WWOX: variants seen among roughly 807,000 people sequenced by gnomAD.
WWOX encodes the protein WW domain containing oxidoreductase.
Under a neutral mutation model 46.2 loss-of-function variants are expected in WWOX, and 69 were observed. The ratio of observed to expected loss-of-function variants is 1.49; its 90% CI spans 1.23 to 1.82. WWOX has a LOEUF of 1.82. Ranked by LOEUF, WWOX falls within the 40% of genes most tolerant of loss-of-function variation. The pLI, the probability that WWOX is intolerant of heterozygous loss-of-function variation, is 0.00. For synonymous variants in WWOX, 359 were observed against 202.6 expected, an observed-to-expected ratio of 1.77 and a Z score of -6.56; for missense variants, 919 against 542.6, an observed-to-expected ratio of 1.69 and a Z score of -6.89.
At chr16:78,101,717 A>C (rs955756981) in intron 1 of WWOX, among the ~76,000 whole-genome samples, 4 of 152,288 alleles carry the variant, frequency 2.6e-5, no homozygotes, top group African/African-American at 9.6e-5. Context: ...AAGGATGTGA[A>C]CCACTGCTGC....
intron 8 of WWOX, among the ~76,000 whole-genome samples, chr16:78,638,805 A>T (rs1170250261): frequency 1.3e-5 from 2 of 152,150 alleles, no homozygotes; most frequent in East Asian, 3.9e-4. Context: ...TAAAATCAGA[A>T]ATAATTAGGA....
At chr16:78,783,618 T>A (rs1430015228) in intron 8 of WWOX, among the ~76,000 whole-genome samples, 1 of 152,202 alleles carries the variant, frequency 6.6e-6, no homozygotes, top group Admixed American at 6.5e-5. Context: ...ATTTGTGTGG[T>A]ACAAAGGATG....
At chr16:78,361,702 C>G (rs923060414) in intron 5 of WWOX, among the ~76,000 whole-genome samples, 5 of 152,160 alleles carry the variant, frequency 3.3e-5, no homozygotes, top group Non-Finnish European at 5.9e-5. Flanking sequence ...ACCTCTGCCT[C>G]CTGTGTTCAG....
At chr16:78,610,231 T>G (rs1345644274) in intron 8 of WWOX, among the ~76,000 whole-genome samples, 1 of 152,178 alleles carries the variant, frequency 6.6e-6, no homozygotes, top group African/African-American at 2.4e-5. Context: ...AAGATCCCTT[T>G]TACCCTCCTT....
At chr16:79,009,326 T>C (rs2047256427) in intron 8 of WWOX, among the ~76,000 whole-genome samples, 1 of 152,216 alleles carries the variant, frequency 6.6e-6, no homozygotes, top group South Asian at 2.1e-4. Context: ...TGGCTGGGGC[T>C]GCTGCTCTGC....
intron 8 of WWOX, among the ~76,000 whole-genome samples, chr16:78,594,864 T>C (rs1597321997): frequency 6.6e-6 from 1 of 152,202 alleles, no homozygotes; most frequent in Admixed American, 6.5e-5. Flanking sequence ...AAATCCCTCA[T>C]TGTTTATTTA....
chr16:78,454,969 G>T (rs1239815337), intron 8 of WWOX, among the ~76,000 whole-genome samples: 1 of 152,218 alleles, frequency 6.6e-6, no homozygotes, highest in African/African-American at 2.4e-5. Flanking sequence ...TGTTCATTGA[G>T]TGCCCCACAT....
intron 8 of WWOX, among the ~76,000 whole-genome samples, chr16:78,494,518 A>G (rs1597163142): frequency 6.6e-6 from 1 of 152,326 alleles, no homozygotes; most frequent in East Asian, 1.9e-4. Context: ...TAAAAACGGC[A>G]ACAAATAAAA....
chr16:78,274,351 A>C (rs1319013952), intron 5 of WWOX, among the ~76,000 whole-genome samples: 1 of 152,108 alleles, frequency 6.6e-6, no homozygotes, highest in Non-Finnish European at 1.5e-5. Flanking sequence ...GGGATTTATC[A>C]CTTGAAAATG....
chr16:79,013,661 A>C (rs2047357282), intron 8 of WWOX, among the ~76,000 whole-genome samples: 1 of 152,158 alleles, frequency 6.6e-6, no homozygotes, highest in Non-Finnish European at 1.5e-5. Flanking sequence ...GTCGGTTTGC[A>C]TCACGTGGAT....
At chr16:78,149,694 A>G (rs1567599614) in intron 4 of WWOX, among the ~76,000 whole-genome samples, 2 of 152,196 alleles carry the variant, frequency 1.3e-5, no homozygotes, top group African/African-American at 4.8e-5. Flanking sequence ...AAGCATGTAC[A>G]CATATGAGAA....
chr16:78,916,964 C>T (rs1345892145), intron 8 of WWOX, among the ~76,000 whole-genome samples: 4 of 152,168 alleles, frequency 2.6e-5, no homozygotes, highest in African/African-American at 7.2e-5. Context: ...TGGTTCCCCT[C>T]TTTTCATCCC....
At chr16:79,175,527 T>G (rs999642196) in intron 8 of WWOX, among the ~76,000 whole-genome samples, 9 of 152,202 alleles carry the variant, frequency 5.9e-5, no homozygotes, top group African/African-American at 2.2e-4. Flanking sequence ...GGTAGATTTC[T>G]CACTTGTCCT....
intron 8 of WWOX, among the ~76,000 whole-genome samples, chr16:78,612,435 T>C (rs2045923731): frequency 6.6e-6 from 1 of 152,216 alleles, no homozygotes; most frequent in Non-Finnish European, 1.5e-5. Flanking sequence ...CCCAGCCTTT[T>C]CTCTGCAGGT....
At chr16:78,787,873 G>C (rs1350380910) in intron 8 of WWOX, among the ~76,000 whole-genome samples, 1 of 152,106 alleles carries the variant, frequency 6.6e-6, no homozygotes, top group Non-Finnish European at 1.5e-5. Context: ...TCGTGGTTTT[G>C]ATTTGCATTT....
intron 8 of WWOX, among the ~76,000 whole-genome samples, chr16:78,737,902 A>G (rs934908130): frequency 5.3e-5 from 8 of 152,088 alleles, no homozygotes; most frequent in African/African-American, 1.9e-4. Flanking sequence ...ATGAGTTCCC[A>G]GTCAGTCATT....
chr16:78,165,557 C>A (rs1567608107), intron 5 of WWOX, among the ~76,000 whole-genome samples: 1 of 152,016 alleles, frequency 6.6e-6, no homozygotes, highest in Admixed American at 6.5e-5. Context: ...AGGGGAATGG[C>A]AGGTGCAGAG....
In WWOX at chr16:79,067,789, T is replaced by C. The variant is rs576279289; in HGVS notation, c.1057-143819T>C. On this transcript the variant is annotated intron_variant, in intron 8 of 8. Coordinates refer to ENST00000566780, the MANE Select transcript of WWOX (RefSeq NM_016373.4). ...CAGAAGTGGGTATTACTGAGGACTT[T>C]GTGGTTCGAATGGAATGAGTGTGCT... 8.5e-5 allele frequency among the ~76,000 whole-genome samples: 13 copies of C among 152,292 alleles called. No homozygotes were observed. The South Asian group carries it at 1.7e-3, about 19-fold the overall frequency.
At chr16:78,838,915 G>A (rs1024679658) in intron 8 of WWOX, among the ~76,000 whole-genome samples, 1 of 152,102 alleles carries the variant, frequency 6.6e-6, no homozygotes, top group African/African-American at 2.4e-5. Context: ...GGAGTGGGGG[G>A]TGAGTGGGAA....
Sources: allele counts gnomAD v4.1 joint callset (sites outside exome capture counted in the v4.1 genomes callset), GRCh38; gene constraint gnomAD v4.1.1; transcripts MANE v1.5; gene names NCBI Gene and HGNC (gene_info 2026-07-23, HGNC 2026-07-21).